The following RSF1 variants were observed in gnomAD, a reference collection of about 807,000 sequenced individuals.
RSF1 encodes the protein HBV pX-associated protein 8.
Under a neutral mutation model 145.2 loss-of-function variants are expected in RSF1, and 13 were observed. The ratio of observed to expected loss-of-function variants is 0.09; its 90% CI spans 0.06 to 0.14. The LOEUF is 0.14. RSF1 is among the 10% of genes least tolerant of loss of function. The pLI is 1.00. For synonymous variants in RSF1, 577 were observed against 592.6 expected, an observed-to-expected ratio of 0.97 and a Z score of 0.38; for missense variants, 1,517 against 1,718.2, an observed-to-expected ratio of 0.88 and a Z score of 2.07.
chr11:77,841,585 C>T, the RSF1 span, among the ~76,000 whole-genome samples: 1 of 152,224 alleles, frequency 6.6e-6, no homozygotes, highest in East Asian at 1.9e-4. Context: ...TCTGCAAGGC[C>T]CTCTTGAACC....
At chr11:77,735,101 G>A (rs1019467439) in intron 4 of RSF1, 25 of 845,354 alleles carry the variant, frequency 3.0e-5, no homozygotes, top group Admixed American at 9.9e-5. Flanking sequence ...GCCTTGGGGC[G>A]GTCTGAGGGT....
the RSF1 span, among the ~76,000 whole-genome samples, chr11:77,838,514 C>T: frequency 6.6e-6 from 1 of 152,104 alleles, no homozygotes. Flanking sequence ...TTGGACTTGC[C>T]AGCCTCCAAA....
At chr11:77,671,871 T>G (rs1402330176) in intron 15 of RSF1, among the ~76,000 whole-genome samples, 171 bp downstream of exon 15, 1 of 152,128 alleles carries the variant, frequency 6.6e-6, no homozygotes. Context: ...TGGCCTCAAG[T>G]GATCTGCATG....
the RSF1 span, among the ~76,000 whole-genome samples, chr11:77,833,230 T>C: frequency 6.6e-6 from 1 of 151,706 alleles, no homozygotes; most frequent in Admixed American, 6.6e-5. Flanking sequence ...AGGCTGTTTA[T>C]TTTTATTATT....
chr11:77,839,217 C>A, the RSF1 span, among the ~76,000 whole-genome samples: 1 of 152,088 alleles, frequency 6.6e-6, no homozygotes, highest in Non-Finnish European at 1.5e-5. Context: ...TTGCTCACTG[C>A]AGCCTCAAAC....
At chr11:77,758,452 GTAAT>G (rs1445827042) in intron 2 of RSF1, among the ~76,000 whole-genome samples, 1 of 152,242 alleles carries the variant, frequency 6.6e-6, no homozygotes, top group East Asian at 1.9e-4. Context: ...CTGCTCTGGA[GTAAT>G]TATATATGTA....
chr11:77,698,558 T>C lies in RSF1; in HGVS notation c.2644A>G (p.Ser882Gly), dbSNP rs200686240. Reference protein sequence around the residue: ...AASEEEEEKESEEAILADDDE... With the variant: ...AASEEEEEKEGEEAILADDDE... ...TCATCTGCTAGGATGGCTTCTTCAC[T>C]TTCCTTTTCTTCCTCCTCTTCTGAA... The change falls in exon 7 of 16, where the codon AGT becomes GGT. Residue 882 changes from serine to glycine, a missense_variant. By Grantham distance (56) the Ser-to-Gly change is moderately conservative. Around this residue, in one of 12 missense-constraint regions of RSF1, gnomAD observed 24 missense variants for 32.1 expected, o/e 0.75. Coordinates refer to ENST00000308488, the MANE Select transcript of RSF1 (RefSeq NM_016578.4). 8.9e-5 allele frequency: 144 copies of C among 1,614,044 alleles called. No homozygotes were observed. Among genetic ancestry groups the C allele is most frequent in the Non-Finnish European group, 1.2e-4 (136 of 1,180,014 alleles).
chr11:77,749,311 T>C (rs1336161800), intron 2 of RSF1, among the ~76,000 whole-genome samples: 1 of 152,046 alleles, frequency 6.6e-6, no homozygotes, highest in African/African-American at 2.4e-5. Flanking sequence ...TATGTGAATA[T>C]CTCAAATTTA....
At chr11:77,670,082 T>C (rs989930006) in intron 15 of RSF1, among the ~76,000 whole-genome samples, 1 of 152,212 alleles carries the variant, frequency 6.6e-6, no homozygotes, top group Non-Finnish European at 1.5e-5. Flanking sequence ...GCTGTGATTG[T>C]GCCACTGCAC....
intron 5 of RSF1, among the ~76,000 whole-genome samples, chr11:77,720,451 C>T (rs576914021): frequency 6.6e-5 from 10 of 152,166 alleles, no homozygotes; most frequent in African/African-American, 2.4e-4. Flanking sequence ...GTTTTATATG[C>T]ACGATACCTT....
upstream of RSF1, among the ~76,000 whole-genome samples, chr11:77,823,188 C>T (rs1320352188): frequency 3.3e-5 from 4 of 120,356 alleles, no homozygotes; most frequent in East Asian, 9.6e-4. Context: ...GCACTCCAGC[C>T]TGGGCGACAG....
chr11:77,836,460 G>T, the RSF1 span, among the ~76,000 whole-genome samples: 144 of 152,154 alleles, frequency 9.5e-4, 3 homozygotes, highest in East Asian at 0.026. Context: ...AGCCAAAAAG[G>T]CCTCGCCATA....
At chr11:77,726,714 T>C (rs1961061978) in intron 4 of RSF1, among the ~76,000 whole-genome samples, 2 of 152,218 alleles carry the variant, frequency 1.3e-5, no homozygotes, top group African/African-American at 4.8e-5. Context: ...CAATGTGCGA[T>C]GTAAATACCC....
chr11:77,741,938 G>A (rs776025841), intron 3 of RSF1, among the ~76,000 whole-genome samples: 2 of 152,012 alleles, frequency 1.3e-5, no homozygotes, highest in Non-Finnish European at 2.9e-5. Flanking sequence ...AATATCATGG[G>A]GTATTTCTTT....
intron 5 of RSF1, among the ~76,000 whole-genome samples, chr11:77,721,681 T>C (rs1303884220): frequency 6.6e-6 from 1 of 152,210 alleles, no homozygotes; most frequent in African/African-American, 2.4e-5. Context: ...TATTGGCACA[T>C]GGTAAATGGT....
intron 5 of RSF1, among the ~76,000 whole-genome samples, chr11:77,705,085 A>C (rs1462894897): frequency 1.3e-5 from 2 of 152,160 alleles, no homozygotes; most frequent in Non-Finnish European, 2.9e-5. Flanking sequence ...AATGACAACA[A>C]TTAATATTCT....
chr11:77,678,794 T>C (rs1959782449), intron 11 of RSF1, among the ~76,000 whole-genome samples: 1 of 152,082 alleles, frequency 6.6e-6, no homozygotes, highest in Non-Finnish European at 1.5e-5. Context: ...ACTCCCCTCA[T>C]CCCTTCCGTG....
intron 7 of RSF1, among the ~76,000 whole-genome samples, chr11:77,696,611 C>T (rs1013786896): frequency 6.6e-6 from 1 of 152,176 alleles, no homozygotes; most frequent in African/African-American, 2.4e-5. Context: ...GCAGCCATTG[C>T]TGCCTTAGGT....
the RSF1 span, chr11:77,872,131 G>T: frequency 4.4e-6 from 7 of 1,589,654 alleles, no homozygotes; most frequent in African/African-American, 9.4e-5. Context: ...GAACCCCTGG[G>T]GGGCCTTTCC....
Sources: allele counts gnomAD v4.1 joint callset (sites outside exome capture counted in the v4.1 genomes callset), GRCh38; gene constraint gnomAD v4.1.1; regional missense constraint gnomAD v4.1.1; transcripts MANE v1.5; gene names NCBI Gene and HGNC (gene_info 2026-07-23, HGNC 2026-07-21).